The following DNER variants were observed in gnomAD, a reference collection of about 807,000 sequenced individuals.
The protein encoded by DNER is delta and Notch-like epidermal growth factor-related receptor.
Under a neutral mutation model 78.2 loss-of-function variants are expected in DNER, and 33 were observed. The observed-to-expected ratio is 0.42, with a 90% confidence interval of 0.32 to 0.56. The LOEUF (loss-of-function observed/expected upper bound fraction) is 0.56. Ranked by LOEUF, DNER falls within the 20% of genes least tolerant of loss-of-function variation. The pLI is 0.11. For missense variants in DNER, 918 were observed against 975.3 expected, an observed-to-expected ratio of 0.94 and a Z score of 0.78; for synonymous variants, 417 against 384.8, an observed-to-expected ratio of 1.08 and a Z score of -0.98.
intron 12 of DNER, among the ~76,000 whole-genome samples, chr2:229,364,106 G>A (rs189461913): frequency 1.9e-4 from 27 of 139,184 alleles, no homozygotes; most frequent in Admixed American, 1.2e-3. Context: ...CTCATTATCC[G>A]CCCTCCTCAG....
At chr2:229,427,960 A>G (rs1693916522) in intron 8 of DNER, among the ~76,000 whole-genome samples, 1 of 151,902 alleles carries the variant, frequency 6.6e-6, no homozygotes, top group South Asian at 2.1e-4. Flanking sequence ...CTATAGTCCC[A>G]GCTACTTGGG....
chr2:229,390,309 C>G (rs1692986412), intron 10 of DNER, among the ~76,000 whole-genome samples: 1 of 152,270 alleles, frequency 6.6e-6, no homozygotes, highest in Admixed American at 6.5e-5. Context: ...CCTCACTCTG[C>G]TTCACGAAGT....
chr2:229,471,299 G>A (rs1437672128), intron 7 of DNER, among the ~76,000 whole-genome samples: 2 of 151,966 alleles, frequency 1.3e-5, no homozygotes, highest in Middle Eastern at 3.4e-3. Flanking sequence ...CATTACCACT[G>A]AAATTTGAGT....
intron 7 of DNER, among the ~76,000 whole-genome samples, chr2:229,448,290 C>T (rs1239182366): frequency 6.6e-6 from 1 of 151,952 alleles, no homozygotes; most frequent in Non-Finnish European, 1.5e-5. Context: ...TTATATAATC[C>T]CATTTGTAAG....
intron 4 of DNER, among the ~76,000 whole-genome samples, chr2:229,557,483 G>A (rs1295084655): frequency 6.6e-6 from 1 of 152,214 alleles, no homozygotes; most frequent in African/African-American, 2.4e-5. Flanking sequence ...TTTGAGAATA[G>A]GGAATGGGCT....
chr2:229,371,582 A>G (rs964200326), intron 11 of DNER, among the ~76,000 whole-genome samples: 7 of 152,362 alleles, frequency 4.6e-5, no homozygotes, highest in Non-Finnish European at 7.3e-5. Flanking sequence ...GGCCCTAAAC[A>G]AACACCTTGA....
At chr2:229,477,564 G>A (rs78338686) in intron 6 of DNER, among the ~76,000 whole-genome samples, 18,908 of 152,176 alleles carry the variant, frequency 0.12, 1,292 homozygotes, top group South Asian at 0.2. Flanking sequence ...CTGAGACTGA[G>A]GATCACGTTG....
intron 4 of DNER, among the ~76,000 whole-genome samples, chr2:229,569,572 G>C (rs938703949): frequency 9.9e-5 from 15 of 152,130 alleles, no homozygotes; most frequent in Admixed American, 6.6e-4. Context: ...AGATGGAGTA[G>C]TATTTGGATA....
intron 1 of DNER, among the ~76,000 whole-genome samples, chr2:229,620,578 G>A (rs1698237051): frequency 6.6e-6 from 1 of 152,228 alleles, no homozygotes; most frequent in African/African-American, 2.4e-5. Flanking sequence ...GGTAGCTCCT[G>A]CAGACACAAA....
intron 1 of DNER, among the ~76,000 whole-genome samples, chr2:229,598,816 G>C (rs1188845337): frequency 6.6e-6 from 1 of 152,080 alleles, no homozygotes; most frequent in African/African-American, 2.4e-5. Context: ...GGGACAAGTT[G>C]CTCACCTGCT....
intron 4 of DNER, among the ~76,000 whole-genome samples, chr2:229,571,614 T>C (rs934563501): frequency 8.5e-5 from 13 of 152,098 alleles, no homozygotes; most frequent in African/African-American, 3.1e-4. Flanking sequence ...TCCCCGTGAA[T>C]TGGGGTTCTG....
chr2:229,500,849 CT>C (rs1177674002), intron 6 of DNER, among the ~76,000 whole-genome samples: 1 of 152,086 alleles, frequency 6.6e-6, no homozygotes, highest in African/African-American at 2.4e-5. Context: ...TCTCACCCCC[CT>C]CCCGCCCTTT....
intron 11 of DNER, among the ~76,000 whole-genome samples, chr2:229,386,981 T>TA (rs1574818973): frequency 6.6e-6 from 1 of 152,172 alleles, no homozygotes; most frequent in South Asian, 2.1e-4. Flanking sequence ...ACTGGGTATA[T>TA]ACCCAAAGGA....
intron 6 of DNER, among the ~76,000 whole-genome samples, chr2:229,485,967 A>G (rs2154211567): frequency 6.6e-6 from 1 of 152,272 alleles, no homozygotes; most frequent in East Asian, 1.9e-4. Flanking sequence ...TGGCCTGTGC[A>G]GTGAGGTGAG....
chr2:229,521,050 G>C (rs144218443), intron 5 of DNER, among the ~76,000 whole-genome samples: 69 of 152,344 alleles, frequency 4.5e-4, no homozygotes, highest in Middle Eastern at 6.8e-3. Context: ...GGCGGAAGCA[G>C]AGGAATTCCT....
intron 5 of DNER, among the ~76,000 whole-genome samples, chr2:229,520,683 G>A (rs964064255): frequency 6.6e-6 from 1 of 152,078 alleles, no homozygotes; most frequent in Admixed American, 6.5e-5. Flanking sequence ...GGAAACACTG[G>A]AATTCCATTT....
At chr2:229,463,988 C>T (rs1195721317) in intron 7 of DNER, among the ~76,000 whole-genome samples, 5 of 152,194 alleles carry the variant, frequency 3.3e-5, no homozygotes, top group Non-Finnish European at 7.3e-5. Flanking sequence ...GTGGCACCAG[C>T]TCTAACTGTG....
chr2:229,601,279 T>C (rs1697821955), intron 1 of DNER, among the ~76,000 whole-genome samples: 1 of 152,076 alleles, frequency 6.6e-6, no homozygotes, highest in Non-Finnish European at 1.5e-5. Context: ...CCTTCTTCAA[T>C]AAGGATTTCA....
intron 12 of DNER, among the ~76,000 whole-genome samples, chr2:229,361,308 A>G (rs1356844211): frequency 1.3e-5 from 2 of 152,200 alleles, no homozygotes; most frequent in Non-Finnish European, 2.9e-5. Flanking sequence ...CATTTTAAAA[A>G]TAACTACTAC....
Sources: gnomAD v4.1 joint callset for allele counts (sites outside exome capture counted in the v4.1 genomes callset) on GRCh38, gnomAD v4.1.1 for gene constraint, MANE v1.5 for transcripts, NCBI Gene and HGNC (gene_info 2026-07-23, HGNC 2026-07-21) for gene names.